Variants in MIDEAS observed in about 807,000 individuals in gnomAD.
MIDEAS encodes the protein mitotic deacetylase associated SANT domain protein, also known as mitotic deacetylase-associated SANT domain protein.
MIDEAS carries 26 observed loss-of-function variants against 102.7 expected under a neutral mutation model. The observed-to-expected ratio is 0.25, with a 90% CI of 0.19 to 0.35. MIDEAS has a LOEUF of 0.35. MIDEAS is among the 10% of genes least tolerant of loss of function. The probability of loss-of-function intolerance (pLI) is 1.00; values close to 1 mark genes in which losing one functional copy is unlikely to be tolerated. For missense variants in MIDEAS, 1,231 were observed against 1,435.6 expected (o/e 0.86, Z 2.30); for synonymous variants, 585 against 591.0 (o/e 0.99, Z 0.15).
intron 3 of MIDEAS, chr14:73,730,238 A>G (rs917602433): frequency 2.3e-5 from 15 of 660,934 alleles, no homozygotes; most frequent in Middle Eastern, 3.3e-4. Context: ...GATCTCTGTT[A>G]CATATTCCTC....
At chr14:73,750,864 A>G (rs2053410331) in intron 1 of MIDEAS, among the ~76,000 whole-genome samples, 1 of 152,274 alleles carries the variant, frequency 6.6e-6, no homozygotes, top group South Asian at 2.1e-4. Flanking sequence ...CACTGGGCAA[A>G]GCATGGAGCC....
intron 1 of MIDEAS, among the ~76,000 whole-genome samples, chr14:73,767,410 G>A (rs2140164334): frequency 6.6e-6 from 1 of 152,270 alleles, no homozygotes. Flanking sequence ...TAAGGCAGGA[G>A]GATTGTGCTT....
rs370469396 is a variant in MIDEAS at position 73,739,677 on chromosome 14, C to A, written c.332G>T (p.Gly111Val). ...GCTGTCACTGACACCCCCACCTCCT[C>A]CACGCTCCGGGCCCCGCCCTGGAGC... ...VMAPGRGPER[G>V]GGGGVSDSSW... Residue 111 changes from glycine (G) to valine (V), a missense_variant, in exon 2 of 13, where the codon GGA becomes GTA. This residue lies in a region of MIDEAS where 758 missense variants were observed against 856.0 expected (regional missense o/e 0.89). Coordinates refer to ENST00000423556, the MANE Select transcript of MIDEAS (RefSeq NM_001367710.1). 8.1e-6 allele frequency: 13 copies of A among 1,613,732 alleles called. No homozygotes were observed. Among genetic ancestry groups the A allele is most frequent in the Non-Finnish European group, 1.0e-5 (12 of 1,179,972 alleles).
chr14:73,741,495 C>T (rs1467896233), intron 1 of MIDEAS, among the ~76,000 whole-genome samples: 1 of 152,116 alleles, frequency 6.6e-6, no homozygotes, highest in African/African-American at 2.4e-5. Context: ...GCCCTAGATG[C>T]TACAGGTCAT....
chr14:73,756,812 G>A (rs1352101719), intron 1 of MIDEAS, among the ~76,000 whole-genome samples: 2 of 152,212 alleles, frequency 1.3e-5, no homozygotes, highest in Non-Finnish European at 2.9e-5. Context: ...CTACAGGGCA[G>A]TGCCAGGAAA....
rs537588971 is a variant in MIDEAS, at chr14:73,779,352, A to G, written c.-248+7750T>C. On this transcript the variant is annotated intron_variant, in intron 1 of 11. Transcript: ENST00000394071. ...GGAGGTTGCAGTGAGCCTAGATTGCACCACTGCACTCCAGCCTGGACGACA... is the reference window on the plus strand; with the variant it reads ...GGAGGTTGCAGTGAGCCTAGATTGCGCCACTGCACTCCAGCCTGGACGACA... 3.9e-3 allele frequency among the ~76,000 whole-genome samples: 555 copies of G among 143,484 alleles called. 15 individuals are homozygous for G. The highest frequency in any genetic ancestry group is 0.034 in the Admixed American group (469 of 13,728). 94.1% of individuals were successfully genotyped at this position (143,484 alleles called of 152,430 possible). A position where few individuals can be genotyped will look rare whatever the true frequency, so the allele number is the denominator to read the frequency against.
chr14:73,764,639 C>G (rs540965025), upstream of MIDEAS, among the ~76,000 whole-genome samples: 1 of 152,220 alleles, frequency 6.6e-6, no homozygotes, highest in Non-Finnish European at 1.5e-5. Flanking sequence ...GAGCAAACCG[C>G]GAGCTCACAA....
At chr14:73,768,247 A>C (rs1333986142) in intron 1 of MIDEAS, among the ~76,000 whole-genome samples, 1 of 152,092 alleles carries the variant, frequency 6.6e-6, no homozygotes, top group African/African-American at 2.4e-5. Flanking sequence ...GAAGGAAGCC[A>C]TTTTTCCCAT....
At chr14:73,740,755 T>C (rs1221284746) in intron 1 of MIDEAS, among the ~76,000 whole-genome samples, 5 of 152,198 alleles carry the variant, frequency 3.3e-5, no homozygotes, top group Admixed American at 2.6e-4. Flanking sequence ...AGGATCTTTG[T>C]CCAGCCAGTG....
chr14:73,762,661 C>T (rs1282957568), upstream of MIDEAS, among the ~76,000 whole-genome samples: 5 of 152,262 alleles, frequency 3.3e-5, no homozygotes, highest in Middle Eastern at 3.4e-3. Flanking sequence ...GAATCACTGA[C>T]GTGTGAAGTG....
chr14:73,718,214 A>G lies in MIDEAS; in HGVS notation c.*629T>C, dbSNP rs60510049. 0.12 allele frequency: 17,560 copies of G among 152,444 alleles called. 2,011 individuals carry two copies. Among genetic ancestry groups the G allele is most frequent in the East Asian group, 0.63 (3,229 of 5,154 alleles). 9.4% of individuals were successfully genotyped at this position (152,444 alleles called of 1,614,324 possible). A position where few individuals can be genotyped will look rare whatever the true frequency, so the allele number is the denominator to read the frequency against. On this transcript the variant is annotated 3_prime_UTR_variant, in exon 13 of 13. Transcript: ENST00000423556. ...CGCCAGCAAGCAGCAAAGGGAGAGTACCTGCCGCGGCCTCCCTCCCAAGGA... is the reference window on the plus strand; with the variant it reads ...CGCCAGCAAGCAGCAAAGGGAGAGTGCCTGCCGCGGCCTCCCTCCCAAGGA...
At position 73,739,588 on chromosome 14, in the gene MIDEAS, G is replaced by C. The variant is rs773045911; in HGVS notation, c.421C>G (p.Leu141Val). The C allele has an allele frequency of 3.7e-6, 6 of 1,614,138 alleles. No homozygotes were observed. In the East Asian group the frequency reaches 1.3e-4, roughly 36 times the overall value. The stretch of plus-strand genomic sequence containing the variant: ...GGGCTCCCCTTGGTTGCACTGTAGA[G>C]GGACAGACTGTGGCAGTTCCATGTT... ...HSTWNCHSLS[L>V]YSATKGSPHP... The change falls in exon 2 of 13, where the codon CTC becomes GTC. Residue 141 changes from leucine (L) to valine (V), a missense_variant. Leu to Val is a conservative substitution (Grantham distance 32). This residue lies in a region of MIDEAS where 758 missense variants were observed against 856.0 expected (regional missense o/e 0.89). Coordinates refer to ENST00000423556, the MANE Select transcript of MIDEAS (RefSeq NM_001367710.1).
chr14:73,725,966 C>T lies in MIDEAS; in HGVS notation c.2485+67G>A. On this transcript the variant is annotated intron_variant, in intron 8 of 12. Transcript: ENST00000423556. This position sits in a 1 kb window ranked among gnomAD's most constrained non-coding sequence, Gnocchi z 4.1. ...CCCAGGGCTGTGACTCAGCACTGAG[C>T]AGGGCCCCATGGATGCTGGAGACCT... 7.3e-7 allele frequency: 1 copy of T among 1,362,418 alleles called. No homozygotes were observed. The highest frequency in any genetic ancestry group is 1.0e-6 in the Non-Finnish European group (1 of 974,234). 84.4% of individuals were successfully genotyped at this position (1,362,418 alleles called of 1,614,324 possible). A position where few individuals can be genotyped will look rare whatever the true frequency, so the allele number is the denominator to read the frequency against.
Position 73,739,497 on chromosome 14 carries a change from C to T in MIDEAS, c.512G>A (p.Gly171Glu), listed in dbSNP as rs1315303038. The T allele has an allele frequency of 6.2e-7, 1 of 1,612,900 alleles. No homozygotes were observed. The highest frequency in any genetic ancestry group is 2.2e-5 in the East Asian group (1 of 44,892). Residue 171 changes from glycine (G) to glutamate (E), a missense_variant, in exon 2 of 13, where the codon GGG (glycine) becomes GAG (glutamate). Coordinates refer to ENST00000423556, the MANE Select transcript of MIDEAS (RefSeq NM_001367710.1). ...CACATAGCGGTCCAGCTGTGGGCCC[C>T]CCGCTTTCTCCCGCTTCAGTGCCTC... is the stretch of plus-strand genomic sequence containing the variant. ...HPEALKREKA[G>E]GPQLDRYVRP...
At chr14:73,726,197 G>A in intron 7 of MIDEAS, 89 bp from the exon 8 acceptor site, 5 of 1,054,028 alleles carry the variant, frequency 4.7e-6, no homozygotes, top group Admixed American at 2.0e-5. Context: ...ATCCCGAGTA[G>A]GGTGGACACT....
At chr14:73,762,368 G>A (rs1326686401), upstream of MIDEAS, among the ~76,000 whole-genome samples, 1 of 152,210 alleles carries the variant, frequency 6.6e-6, no homozygotes, top group African/African-American at 2.4e-5. Context: ...AGGTGGCAGG[G>A]GAAACAGAGA....
upstream of MIDEAS, chr14:73,789,056 A>G (rs2053844303): frequency 6.6e-6 from 1 of 152,176 alleles, no homozygotes; most frequent in African/African-American, 2.4e-5. Flanking sequence ...CAGGGCACCA[A>G]GTGGAGGATG....
In MIDEAS at chr14:73,759,027, C is replaced by A. The variant is rs2053522287; in HGVS notation, c.-248+736G>T. On this transcript the variant is annotated intron_variant, in intron 1 of 12. Coordinates refer to ENST00000423556, the MANE Select transcript of MIDEAS (RefSeq NM_001367710.1). The surrounding 1 kb of genome is among the most constrained non-coding windows in gnomAD (Gnocchi z 6.7). ...CCGCCAGGCACCAGGGAACACAGCT[C>A]CCCGCGAGGCACCGCGCGGGCTGGG... is the stretch of plus-strand genomic sequence containing the variant. 6.6e-6 allele frequency among the ~76,000 whole-genome samples: 1 copy of A among 152,186 alleles called. No individual in the cohort carries two copies. The highest frequency in any genetic ancestry group is 2.1e-4 in the South Asian group (1 of 4,830).
At chr14:73,721,531 G>A (rs2052992992) in intron 10 of MIDEAS, 22 bp from the exon 11 acceptor site, 1 of 1,606,822 alleles carries the variant, frequency 6.2e-7, no homozygotes, top group African/African-American at 1.3e-5. Flanking sequence ...AAGAACAAGG[G>A]CAGTGAGCCT....
Sources: allele counts gnomAD v4.1 joint callset (sites outside exome capture counted in the v4.1 genomes callset), GRCh38; gene constraint gnomAD v4.1.1; regional missense constraint gnomAD v4.1.1; non-coding constraint Gnocchi (gnomAD v3.1); transcripts MANE v1.5; gene names NCBI Gene and HGNC (gene_info 2026-07-23, HGNC 2026-07-21).